The following HIF1A variants were observed in gnomAD, a reference collection of about 807,000 sequenced individuals.
HIF1A encodes hypoxia inducible factor 1 subunit alpha, also known as hypoxia-inducible factor 1-alpha.
A neutral mutation model predicts 92.7 loss-of-function variants in HIF1A; 24 were observed. That is an observed-to-expected ratio of 0.26 (90% confidence interval 0.19 to 0.36). The LOEUF (loss-of-function observed/expected upper bound fraction) is 0.36. Among genes scored for constraint, HIF1A ranks in the 10% least tolerant of loss-of-function variants. The probability of loss-of-function intolerance (pLI) is 1.00; values close to 1 mark genes in which losing one functional copy is unlikely to be tolerated. For synonymous variants in HIF1A, 319 were observed against 338.7 expected (o/e 0.94, Z 0.64); for missense variants, 799 against 998.5 (o/e 0.80, Z 2.69).
intron 1 of HIF1A, among the ~76,000 whole-genome samples, chr14:61,710,096 A>G (rs781306628): frequency 6.6e-6 from 1 of 152,210 alleles, no homozygotes; most frequent in Non-Finnish European, 1.5e-5. Context: ...CATACATTAC[A>G]CACAGGAGTG....
chr14:61,733,804 A>G (rs889117009), intron 7 of HIF1A, among the ~76,000 whole-genome samples: 6 of 152,194 alleles, frequency 3.9e-5, no homozygotes, highest in African/African-American at 1.4e-4. Context: ...TTATTGTGGC[A>G]CCATTTTCTT....
intron 13 of HIF1A, 73 bp from the exon 14 acceptor site, chr14:61,745,618 C>A: frequency 8.1e-7 from 1 of 1,229,902 alleles, no homozygotes; most frequent in Non-Finnish European, 1.2e-6. Context: ...AAATTTACAC[C>A]AATTTCAAGG....
At chr14:61,727,695 A>G (rs1412094387) in intron 6 of HIF1A, 40 bp downstream of exon 6, 1 of 1,358,632 alleles carries the variant, frequency 7.4e-7, no homozygotes, top group African/African-American at 1.4e-5. Flanking sequence ...ATTTTTAATT[A>G]GTCTACAGCA....
At chr14:61,707,310 T>C (rs1343925971) in intron 1 of HIF1A, among the ~76,000 whole-genome samples, 5 of 152,288 alleles carry the variant, frequency 3.3e-5, no homozygotes, top group Non-Finnish European at 7.4e-5. Context: ...CTGTGTTTTT[T>C]TTTTCTTTAT....
At chr14:61,716,186 T>C (rs1025315525) in intron 1 of HIF1A, among the ~76,000 whole-genome samples, 11 of 149,930 alleles carry the variant, frequency 7.3e-5, no homozygotes, top group Admixed American at 5.4e-4. Flanking sequence ...ATATATAATA[T>C]TGCAGAGTGC....
At chr14:61,744,859 T>TTGTG (rs367860752) in intron 13 of HIF1A, 46 bp downstream of exon 13, 3 of 755,838 alleles carry the variant, frequency 4.0e-6, no homozygotes, top group Non-Finnish European at 6.7e-6. Context: ...ATGTGCTATT[T>TTGTG]CGTGTGTGTG....
intron 4 of HIF1A, among the ~76,000 whole-genome samples, chr14:61,724,378 T>TCTCTCTCTCTCTCC (rs1470158587): frequency 6.7e-6 from 1 of 149,562 alleles, no homozygotes; most frequent in Non-Finnish European, 1.5e-5. Flanking sequence ...TCTCTCTCTC[T>TCTCTCTCTCTCTCC]CTCCCCCTCC....
intron 4 of HIF1A, among the ~76,000 whole-genome samples, chr14:61,724,971 A>G (rs1383950764): frequency 6.6e-6 from 1 of 151,566 alleles, no homozygotes; most frequent in Non-Finnish European, 1.5e-5. Context: ...TTGCCTTACT[A>G]CTCTTCTACG....
intron 1 of HIF1A, among the ~76,000 whole-genome samples, chr14:61,712,681 T>C (rs970559725): frequency 1.1e-4 from 16 of 151,020 alleles, no homozygotes; most frequent in African/African-American, 3.9e-4. Flanking sequence ...TGCTGGTTAA[T>C]TATGATTAGG....
rs2044756961 is a variant in HIF1A, at chr14:61,744,783, T to A, written c.2172T>A (p.His724Gln). ...QNAQRKRKME[H>Q]DGSLFQAVGI... ...CTCAGAGAAAGCGAAAAATGGAACA[T>A]GATGGTTCACTTTTTCAAGCAGTAG... The change falls in exon 13 of 15, where the codon CAT (histidine) becomes CAA (glutamine). Residue 724 changes from histidine to glutamine, a missense_variant. Transcript: ENST00000337138. 6.3e-7 allele frequency: 1 copy of A among 1,590,962 alleles called. No homozygotes were observed. The highest frequency in any genetic ancestry group is 1.3e-5 in the African/African-American group (1 of 74,208).
intron 6 of HIF1A, among the ~76,000 whole-genome samples, chr14:61,731,168 T>G (rs1479976727): frequency 7.1e-6 from 1 of 140,920 alleles, no homozygotes; most frequent in Non-Finnish European, 1.6e-5. Context: ...TTAGGTAGGG[T>G]TTTTTTTTTG....
intron 1 of HIF1A, among the ~76,000 whole-genome samples, chr14:61,703,484 TTTGTC>T (rs1434258080): frequency 6.6e-6 from 1 of 152,182 alleles, no homozygotes; most frequent in African/African-American, 2.4e-5. Flanking sequence ...ATCCCTGACT[TTTGTC>T]TTGATATTAC....
At chr14:61,726,386 C>T (rs190615624) in intron 4 of HIF1A, 19 of 173,036 alleles carry the variant, frequency 1.1e-4, no homozygotes, top group African/African-American at 3.3e-4. Flanking sequence ...TCTTGTGTAC[C>T]GATAGCACAG....
chr14:61,744,734 C>T lies in HIF1A; in HGVS notation c.2123C>T (p.Pro708Leu). The T allele has an allele frequency of 6.3e-7, 1 of 1,582,498 alleles. No homozygotes were observed. Among genetic ancestry groups the T allele is most frequent in the Admixed American group, 1.7e-5 (1 of 57,648 alleles). ...ACAGTTCCTGAGGAAGAACTAAATC[C>T]AAAGATACTAGCTTTGCAGAATGCT... Reference protein sequence around the residue: ...RTTVPEEELNPKILALQNAQR... With the variant: ...RTTVPEEELNLKILALQNAQR... Residue 708 changes from proline to leucine, a missense_variant, in exon 13 of 15, where the codon CCA (proline) becomes CTA (leucine). By Grantham distance (98) the Pro-to-Leu change is moderately conservative. Around this residue, in one of 2 missense-constraint regions of HIF1A, gnomAD observed 283 missense variants for 277.5 expected, o/e 1.02. Coordinates refer to ENST00000337138, the MANE Select transcript of HIF1A (RefSeq NM_001530.4).
At position 61,747,574 on chromosome 14, in the gene HIF1A, A is replaced by G. The variant is rs1184337665; in HGVS notation, c.*489A>G. 1 of 152,630 alleles carries G rather than the reference A, an allele frequency of 6.6e-6. No individual in the cohort carries two copies. The highest frequency in any genetic ancestry group is 2.4e-5 in the African/African-American group (1 of 41,452). 9.5% of individuals were successfully genotyped at this position (152,630 alleles called of 1,614,324 possible). On this transcript the variant is annotated 3_prime_UTR_variant, in exon 15 of 15. Coordinates refer to ENST00000337138, the MANE Select transcript of HIF1A (RefSeq NM_001530.4). ...ACAATATATTTTCTTAAAAAATACC[A>G]GCAGTTACTCATGGAATATATTCTG... is the stretch of plus-strand genomic sequence containing the variant.
chr14:61,748,080 A>G lies in HIF1A; in HGVS notation c.*995A>G, dbSNP rs1421701348. ...TATTAACATCCTTTTTTTCATGTAG[A>G]TTTCAATAATTGAGTAATTTTAGAA... On this transcript the variant is annotated 3_prime_UTR_variant, in exon 15 of 15. Transcript: ENST00000337138. 1 of 152,472 alleles carries G rather than the reference A, an allele frequency of 6.6e-6. No individual in the cohort carries two copies. The highest frequency in any genetic ancestry group is 1.5e-5 in the Non-Finnish European group (1 of 67,914). The allele number at this position is 152,472 out of a possible 1,614,324, so 9.4% of individuals were successfully genotyped here. A position where few individuals can be genotyped will look rare whatever the true frequency, so the allele number is the denominator to read the frequency against.
At chr14:61,707,359 G>A (rs956991134) in intron 1 of HIF1A, among the ~76,000 whole-genome samples, 1 of 152,068 alleles carries the variant, frequency 6.6e-6, no homozygotes, top group South Asian at 2.1e-4. Flanking sequence ...ACAACGTGCA[G>A]GTTAGTTACA....
chr14:61,728,736 C>T (rs1304571887), intron 6 of HIF1A, among the ~76,000 whole-genome samples: 1 of 152,112 alleles, frequency 6.6e-6, no homozygotes, highest in Non-Finnish European at 1.5e-5. Flanking sequence ...CTCATTATTA[C>T]TCTTGACTTG....
intron 1 of HIF1A, among the ~76,000 whole-genome samples, chr14:61,717,196 C>A (rs1225939211): frequency 6.6e-6 from 1 of 152,126 alleles, no homozygotes; most frequent in Non-Finnish European, 1.5e-5. Flanking sequence ...ACAAATAATT[C>A]TTGGTCAGTA....
Sources: gnomAD v4.1 joint callset for allele counts (sites outside exome capture counted in the v4.1 genomes callset) on GRCh38, gnomAD v4.1.1 for gene constraint, gnomAD v4.1.1 regional missense constraint, MANE v1.5 for transcripts, NCBI Gene and HGNC (gene_info 2026-07-23, HGNC 2026-07-21) for gene names.